Variants in NCOA2 observed in about 807,000 individuals in gnomAD.
NCOA2 encodes the protein class E basic helix-loop-helix protein 75.
A neutral mutation model predicts 145.1 loss-of-function variants in NCOA2; 21 were observed. That is an observed-to-expected ratio of 0.14 (90% confidence interval 0.10 to 0.21). NCOA2 has a LOEUF of 0.21. Among genes scored for constraint, NCOA2 ranks in the 10% least tolerant of loss-of-function variants. The pLI is 1.00. For synonymous variants in NCOA2, 619 were observed against 637.5 expected, an observed-to-expected ratio of 0.97 and a Z score of 0.44; for missense variants, 1,472 against 1,837.6, an observed-to-expected ratio of 0.80 and a Z score of 3.64.
At chr8:70,254,698 G>A (rs936243242) in intron 2 of NCOA2, among the ~76,000 whole-genome samples, 59 of 150,438 alleles carry the variant, frequency 3.9e-4, no homozygotes, top group African/African-American at 1.3e-3. Context: ...GCGGGCGGGG[G>A]TGGGGGCAGG....
At chr8:70,274,943 A>C (rs1229154657) in intron 2 of NCOA2, among the ~76,000 whole-genome samples, 1 of 152,200 alleles carries the variant, frequency 6.6e-6, no homozygotes. Context: ...CCCGTAATTA[A>C]GATTTCGGCT....
Position 70,162,814 on chromosome 8 carries a change from G to A in NCOA2, c.873C>T (p.Ala291=), listed in dbSNP as rs772427241. The part of the protein sequence containing the change: ...TSLDTSTMRA[A]MKPGWEDLVR... The stretch of plus-strand genomic sequence containing the variant: ...CCAGGTCCTCCCAGCCTGGTTTCAT[G>A]GCTGCTCTCATGGTGCTGGTATCCA... The change falls in exon 9 of 23, where the codon GCC becomes GCT. Residue 291 remains alanine, a synonymous_variant. Coordinates refer to ENST00000452400, the MANE Select transcript of NCOA2 (RefSeq NM_006540.4). 1.2e-6 allele frequency: 2 copies of A among 1,613,764 alleles called. No individual in the cohort carries two copies. Among genetic ancestry groups the A allele is most frequent in the Non-Finnish European group, 1.7e-6 (2 of 1,179,846 alleles).
At chr8:70,154,443 CA>C (rs1812074666) in intron 11 of NCOA2, among the ~76,000 whole-genome samples, 1 of 152,188 alleles carries the variant, frequency 6.6e-6, no homozygotes, top group Admixed American at 6.5e-5. Context: ...GACAGGGTCT[CA>C]ATCTATTGCC....
intron 1 of NCOA2, among the ~76,000 whole-genome samples, chr8:70,303,969 T>C (rs1327730490): frequency 6.6e-6 from 1 of 152,124 alleles, no homozygotes; most frequent in African/African-American, 2.4e-5. Flanking sequence ...TTTCTCCCAA[T>C]AGTGTGGATA....
At chr8:70,229,966 G>C (rs1157019921) in intron 2 of NCOA2, among the ~76,000 whole-genome samples, 1 of 152,192 alleles carries the variant, frequency 6.6e-6, no homozygotes, top group African/African-American at 2.4e-5. Context: ...AGATAAGGTA[G>C]AGTATATTTA....
At chr8:70,245,206 C>T (rs1822506802) in intron 2 of NCOA2, 1 of 152,100 alleles carries the variant, frequency 6.6e-6, no homozygotes, top group Non-Finnish European at 1.5e-5. Flanking sequence ...AACCTAAGCA[C>T]ATGCTGAGCA....
intron 1 of NCOA2, among the ~76,000 whole-genome samples, chr8:70,316,043 G>GA (rs796824485): frequency 3.3e-5 from 5 of 152,294 alleles, no homozygotes; most frequent in African/African-American, 1.2e-4. Flanking sequence ...CATTAATGAT[G>GA]AAACAGCTGA....
chr8:70,233,819 TCTC>T (rs1301732528), intron 2 of NCOA2, among the ~76,000 whole-genome samples: 1 of 152,192 alleles, frequency 6.6e-6, no homozygotes, highest in Non-Finnish European at 1.5e-5. Flanking sequence ...TGGCTAGTTC[TCTC>T]CTCATTCATC....
chr8:70,358,578 C>G (rs1266263469), intron 1 of NCOA2, among the ~76,000 whole-genome samples: 2 of 152,060 alleles, frequency 1.3e-5, no homozygotes, highest in African/African-American at 2.4e-5. Flanking sequence ...GAAATTGAAC[C>G]CCCACCTCAT....
chr8:70,382,050 A>G (rs778202226), intron 1 of NCOA2, among the ~76,000 whole-genome samples: 1 of 152,116 alleles, frequency 6.6e-6, no homozygotes, highest in Non-Finnish European at 1.5e-5. Flanking sequence ...ACTTTCCACT[A>G]TCCCAGGCTG....
intron 2 of NCOA2, among the ~76,000 whole-genome samples, chr8:70,253,055 TTC>T (rs1381881238): frequency 1.3e-5 from 2 of 152,230 alleles, no homozygotes; most frequent in Admixed American, 1.3e-4. Context: ...CTTTCCTTTC[TTC>T]TGTTTTCTAC....
At chr8:70,335,486 T>TGG (rs1365067754) in intron 1 of NCOA2, among the ~76,000 whole-genome samples, 1 of 152,228 alleles carries the variant, frequency 6.6e-6, no homozygotes, top group Non-Finnish European at 1.5e-5. Context: ...TCTGTTTAAA[T>TGG]GGACAGTTTA....
intron 20 of NCOA2, 109 bp downstream of exon 20, chr8:70,124,579 T>C (rs1585731534): frequency 1.8e-5 from 20 of 1,131,166 alleles, no homozygotes; most frequent in Non-Finnish European, 2.2e-5. Flanking sequence ...CCTTTATCAC[T>C]ACGTTTGATA....
At chr8:70,140,688 C>T (rs529913807) in intron 14 of NCOA2, among the ~76,000 whole-genome samples, 1 of 150,364 alleles carries the variant, frequency 6.7e-6, no homozygotes, top group East Asian at 2.0e-4. Context: ...CACCCTCCAC[C>T]TCCCAGGAAG....
chr8:70,401,674 T>C (rs1232103969), intron 1 of NCOA2: 1 of 152,134 alleles, frequency 6.6e-6, no homozygotes, highest in Non-Finnish European at 1.5e-5. Flanking sequence ...CAATAATCAG[T>C]TGACGTGATA....
At chr8:70,269,232 A>G (rs1450155648) in intron 2 of NCOA2, among the ~76,000 whole-genome samples, 2 of 152,168 alleles carry the variant, frequency 1.3e-5, no homozygotes, top group Non-Finnish European at 2.9e-5. Flanking sequence ...TAGCAGCATA[A>G]TATTTCAAGT....
chr8:70,236,914 T>C (rs1364804527), intron 2 of NCOA2, among the ~76,000 whole-genome samples: 2 of 152,172 alleles, frequency 1.3e-5, no homozygotes, highest in African/African-American at 4.8e-5. Flanking sequence ...AACAGTTGCA[T>C]ATAACTCTAC....
chr8:70,215,215 AC>A (rs915064972), intron 3 of NCOA2, among the ~76,000 whole-genome samples: 14 of 151,876 alleles, frequency 9.2e-5, no homozygotes, highest in Non-Finnish European at 1.0e-4. Context: ...TCCCATTCTG[AC>A]CCCCTCCACC....
chr8:70,234,061 A>C (rs1353698354), intron 2 of NCOA2, among the ~76,000 whole-genome samples: 1 of 152,064 alleles, frequency 6.6e-6, no homozygotes, highest in African/African-American at 2.4e-5. Context: ...TCTACTCTCT[A>C]TCTCTATGGA....
Sources: allele counts gnomAD v4.1 joint callset (sites outside exome capture counted in the v4.1 genomes callset), GRCh38; gene constraint gnomAD v4.1.1; transcripts MANE v1.5; gene names NCBI Gene and HGNC (gene_info 2026-07-23, HGNC 2026-07-21).